SCHIP1: variants seen among roughly 807,000 people sequenced by gnomAD.
The protein encoded by SCHIP1 is schwannomin interacting protein 1.
Under a neutral mutation model 29.7 loss-of-function variants are expected in SCHIP1, and 8 were observed. That is an observed-to-expected ratio of 0.27 (90% CI 0.16 to 0.49). The LOEUF (loss-of-function observed/expected upper bound fraction) is 0.49, where lower values mean the gene tolerates loss of function less well. SCHIP1 is among the 20% of genes least tolerant of loss of function. The probability of loss-of-function intolerance (pLI) is 0.99; values close to 1 mark genes in which losing one functional copy is unlikely to be tolerated. For missense variants in SCHIP1, 193 were observed against 294.6 expected (o/e 0.66, Z 2.52); for synonymous variants, 76 against 94.9 (o/e 0.80, Z 1.16).
the SCHIP1 span, among the ~76,000 whole-genome samples, chr3:159,581,858 T>A: frequency 3.3e-5 from 5 of 152,142 alleles, no homozygotes; most frequent in East Asian, 5.8e-4. Flanking sequence ...AATGAAAAAA[T>A]TATTCTATAA....
the SCHIP1 span, among the ~76,000 whole-genome samples, chr3:159,562,635 G>A: frequency 6.6e-6 from 1 of 152,172 alleles, no homozygotes; most frequent in African/African-American, 2.4e-5. Context: ...CAAGAGTTAA[G>A]TAATGCCCTA....
the SCHIP1 span, among the ~76,000 whole-genome samples, chr3:159,673,015 C>T: frequency 6.6e-6 from 1 of 151,966 alleles, no homozygotes; most frequent in Admixed American, 6.6e-5. Flanking sequence ...TTTTGTTATC[C>T]AAATAAGAAA....
chr3:159,774,236 C>G, the SCHIP1 span, among the ~76,000 whole-genome samples: 1 of 152,200 alleles, frequency 6.6e-6, no homozygotes, highest in African/African-American at 2.4e-5. Context: ...CCAAGTCTCT[C>G]TTAAAATCTG....
At chr3:159,570,515 G>T in the SCHIP1 span, among the ~76,000 whole-genome samples, 364 of 152,174 alleles carry the variant, frequency 2.4e-3, 3 homozygotes, top group African/African-American at 8.5e-3. Context: ...TATCTGTTTT[G>T]GTACCAGTGC....
the SCHIP1 span, among the ~76,000 whole-genome samples, chr3:159,316,216 A>T: frequency 1.3e-5 from 2 of 152,242 alleles, no homozygotes; most frequent in South Asian, 2.1e-4. Context: ...AGGGAAGTTT[A>T]TTAAGTATTA....
the SCHIP1 span, among the ~76,000 whole-genome samples, chr3:159,477,272 C>T: frequency 0.01 from 1,542 of 152,200 alleles, 14 homozygotes; most frequent in Non-Finnish European, 0.014. Context: ...ATCCCTTTGA[C>T]TTACTGATTT....
At chr3:159,492,370 G>A in the SCHIP1 span, among the ~76,000 whole-genome samples, 1 of 152,124 alleles carries the variant, frequency 6.6e-6, no homozygotes, top group African/African-American at 2.4e-5. Context: ...TTAGACAAAT[G>A]GGTAATTAGA....
At chr3:159,559,574 A>G in the SCHIP1 span, among the ~76,000 whole-genome samples, 1 of 152,254 alleles carries the variant, frequency 6.6e-6, no homozygotes, top group Non-Finnish European at 1.5e-5. Context: ...CATGTAATAT[A>G]CAAATCTTAA....
chr3:159,644,133 C>T, the SCHIP1 span, among the ~76,000 whole-genome samples: 1 of 152,098 alleles, frequency 6.6e-6, no homozygotes, highest in Non-Finnish European at 1.5e-5. Flanking sequence ...TCCTCAGGTG[C>T]TTTACTTCCA....
the SCHIP1 span, among the ~76,000 whole-genome samples, chr3:159,327,852 T>C: frequency 6.6e-6 from 1 of 152,006 alleles, no homozygotes; most frequent in Non-Finnish European, 1.5e-5. Context: ...AAGACAGCAA[T>C]GTGTGTTCTT....
At chr3:159,321,082 A>G in the SCHIP1 span, among the ~76,000 whole-genome samples, 1 of 152,256 alleles carries the variant, frequency 6.6e-6, no homozygotes, top group East Asian at 1.9e-4. Flanking sequence ...CTCCCAATTC[A>G]GCCTCCCAAG....
the SCHIP1 span, among the ~76,000 whole-genome samples, chr3:159,462,451 A>G: frequency 6.6e-6 from 1 of 152,008 alleles, no homozygotes; most frequent in East Asian, 1.9e-4. Flanking sequence ...GACCTCTGGT[A>G]TCTCTCAGTC....
the SCHIP1 span, among the ~76,000 whole-genome samples, chr3:159,726,184 G>A: frequency 6.6e-6 from 1 of 152,156 alleles, no homozygotes; most frequent in African/African-American, 2.4e-5. Context: ...TTGAAGCCCA[G>A]TGTCTTTAAG....
At chr3:159,881,177 T>G (rs1016159098) in intron 2 of SCHIP1, among the ~76,000 whole-genome samples, 4 of 152,236 alleles carry the variant, frequency 2.6e-5, no homozygotes, top group African/African-American at 9.6e-5. Context: ...TCATGACAGA[T>G]TCTCAGAAAA....
the SCHIP1 span, among the ~76,000 whole-genome samples, chr3:159,554,938 G>C: frequency 6.6e-6 from 1 of 152,060 alleles, no homozygotes. Flanking sequence ...TGCAGTCTTA[G>C]GATGGGAGAG....
At chr3:159,445,976 T>C in the SCHIP1 span, among the ~76,000 whole-genome samples, 2 of 151,708 alleles carry the variant, frequency 1.3e-5, no homozygotes, top group Non-Finnish European at 2.9e-5. Context: ...TGTATACGTA[T>C]GTAACTAACC....
the SCHIP1 span, among the ~76,000 whole-genome samples, chr3:159,816,790 A>G: frequency 1.3e-5 from 2 of 152,010 alleles, no homozygotes; most frequent in African/African-American, 4.8e-5. Context: ...GACCTGCCTA[A>G]CTCGTGCTGT....
At chr3:159,566,911 A>T in the SCHIP1 span, among the ~76,000 whole-genome samples, 3 of 152,320 alleles carry the variant, frequency 2.0e-5, no homozygotes, top group Admixed American at 2.0e-4. Context: ...GATATTGCCA[A>T]ATTGCTCTTA....
At chr3:159,450,983 T>C in the SCHIP1 span, among the ~76,000 whole-genome samples, 2 of 151,962 alleles carry the variant, frequency 1.3e-5, no homozygotes, top group African/African-American at 4.8e-5. Flanking sequence ...TAATTTTTTG[T>C]ATTTTTAGTA....
Sources: gnomAD v4.1 joint callset for allele counts (sites outside exome capture counted in the v4.1 genomes callset) on GRCh38, gnomAD v4.1.1 for gene constraint, MANE v1.5 for transcripts, NCBI Gene and HGNC (gene_info 2026-07-23, HGNC 2026-07-21) for gene names.